NOSTRIN: variants seen among roughly 807,000 people sequenced by gnomAD.
NOSTRIN encodes the protein nitric oxide synthase trafficking, also known as BM247 homolog.
NOSTRIN carries 63 observed loss-of-function variants against 59.0 expected under a neutral mutation model. The observed-to-expected ratio is 1.07, with a 90% CI of 0.87 to 1.32. The LOEUF is 1.32. Ranked by LOEUF, NOSTRIN falls within the 40% of genes most tolerant of loss-of-function variation. The pLI is 0.00. For synonymous variants in NOSTRIN, 200 were observed against 165.4 expected (o/e 1.21, Z -1.61); for missense variants, 512 against 473.1 (o/e 1.08, Z -0.76).
At chr2:168,855,263 A>G (rs1282108515) in intron 10 of NOSTRIN, 89 bp from the exon 11 acceptor site, 1 of 581,564 alleles carries the variant, frequency 1.7e-6, no homozygotes, top group Non-Finnish European at 2.9e-6. Flanking sequence ...AGTTAAAATT[A>G]AATGCAGCCA....
chr2:168,840,486 T>C (rs570235634), intron 7 of NOSTRIN, among the ~76,000 whole-genome samples: 141 of 137,500 alleles, frequency 1.0e-3, no homozygotes, highest in African/African-American at 3.2e-3. Flanking sequence ...GCTGAGATCG[T>C]GCCACTGCAC....
intron 10 of NOSTRIN, among the ~76,000 whole-genome samples, 158 bp downstream of exon 10, chr2:168,851,562 A>C (rs1294221763): frequency 6.6e-6 from 1 of 152,250 alleles, no homozygotes; most frequent in African/African-American, 2.4e-5. Flanking sequence ...CTAGTTTACA[A>C]ACTGTACAAT....
chr2:168,829,093 G>A (rs1687218088), intron 5 of NOSTRIN, among the ~76,000 whole-genome samples: 1 of 151,800 alleles, frequency 6.6e-6, no homozygotes, highest in South Asian at 2.1e-4. Flanking sequence ...TGCTTTCTAC[G>A]CTTATTAGCT....
chr2:168,860,679 AAAGAAAAAACAAAC>A, intron 13 of NOSTRIN, 102 bp from the exon 14 acceptor site: 2 of 700,634 alleles, frequency 2.9e-6, no homozygotes, highest in Admixed American at 5.4e-5. Flanking sequence ...TAAAAAAAAA[AAAGAAAAAACAAAC>A]AGAAAAAACA....
At position 168,860,927 on chromosome 2, in the gene NOSTRIN, A is replaced by G; in HGVS notation, c.1294+18A>G. ...AACTCCAGGTAATCCCATGCCCACA[A>G]TCATTTTGGCCTGGGTCCTACTGGC... On this transcript the variant is annotated intron_variant, in intron 14 of 15. Coordinates refer to ENST00000317647, the MANE Select transcript of NOSTRIN (RefSeq NM_001039724.4). 4.5e-6 allele frequency: 7 copies of G among 1,555,058 alleles called. No homozygotes were observed. The highest frequency in any genetic ancestry group is 6.2e-6 in the Non-Finnish European group (7 of 1,126,458).
intron 1 of NOSTRIN, among the ~76,000 whole-genome samples, chr2:168,804,951 C>A (rs829956): frequency 1 from 151,778 of 152,340 alleles, 75,611 homozygotes; most frequent in Middle Eastern, 1. Flanking sequence ...TTTACATTCA[C>A]CCTGACTTCA....
At position 168,864,957 on chromosome 2, in the gene NOSTRIN, C is replaced by A; in HGVS notation, c.1508C>A (p.Ala503Asp). ...TTACCTTCAAATGCTGGCAACACAGCTACAAAGGCATAAAACAAGACTCTG... is the reference window on the plus strand; with the variant it reads ...TTACCTTCAAATGCTGGCAACACAGATACAAAGGCATAAAACAAGACTCTG... Reference protein sequence around the residue: ...EELPSNAGNTATKA With the variant: ...EELPSNAGNTDTKA Residue 503 changes from alanine to aspartate, a missense_variant, in exon 16 of 16, where the codon GCT (alanine) becomes GAT (aspartate). Ala to Asp is a moderately radical substitution (Grantham distance 126). Transcript: ENST00000317647. The A allele has an allele frequency of 6.2e-7, 1 of 1,614,008 alleles. No individual in the cohort carries two copies. Among genetic ancestry groups the A allele is most frequent in the Non-Finnish European group, 8.5e-7 (1 of 1,179,988 alleles).
chr2:168,852,286 G>A (rs1010366395), intron 10 of NOSTRIN, among the ~76,000 whole-genome samples: 4 of 151,942 alleles, frequency 2.6e-5, no homozygotes, highest in African/African-American at 7.3e-5. Flanking sequence ...CCAGATTATC[G>A]GAGGCTTATT....
At position 168,843,082 on chromosome 2, in the gene NOSTRIN, C is replaced by T. The variant is rs1688196443; in HGVS notation, c.595C>T (p.Leu199=). The change falls in exon 8 of 16, where the codon CTG becomes TTG. Residue 199 remains leucine, a synonymous_variant. Transcript: ENST00000317647. ...QKNMAGYSTR[L]KWENTLENCY... ...AAACATGGCGGGTTATTCTACCAGA[C>T]TGAAATGGGAAAACACACTAGAGAA... 1 of 872,436 alleles carries T rather than the reference C, an allele frequency of 1.1e-6. No homozygotes were observed. Among genetic ancestry groups the T allele is most frequent in the Non-Finnish European group, 2.0e-6 (1 of 501,526 alleles). 54.0% of individuals were successfully genotyped at this position (872,436 alleles called of 1,614,324 possible). A position where few individuals can be genotyped will look rare whatever the true frequency, so the allele number is the denominator to read the frequency against.
chr2:168,824,011 G>T (rs529117762), intron 2 of NOSTRIN, among the ~76,000 whole-genome samples: 1 of 152,252 alleles, frequency 6.6e-6, no homozygotes, highest in South Asian at 2.1e-4. Context: ...GGAGGTGGAG[G>T]TTACAGTGAG....
chr2:168,813,716 G>A (rs1686265764), intron 2 of NOSTRIN, among the ~76,000 whole-genome samples: 1 of 152,068 alleles, frequency 6.6e-6, no homozygotes, highest in East Asian at 1.9e-4. Context: ...AACATCTCAA[G>A]AGTCTACTGG....
chr2:168,856,373 G>C (rs1436627928), intron 11 of NOSTRIN: 1 of 307,320 alleles, frequency 3.3e-6, no homozygotes, highest in Non-Finnish European at 6.2e-6. Context: ...TCAGGCGCTG[G>C]AGACCAGTTT....
intron 8 of NOSTRIN, chr2:168,850,853 C>T (rs1305866766): frequency 1.3e-6 from 1 of 795,840 alleles, no homozygotes; most frequent in Admixed American, 2.0e-5. Context: ...ACAGCATCTG[C>T]CTATATGCCT....
At chr2:168,819,942 TG>T (rs1234090082) in intron 2 of NOSTRIN, among the ~76,000 whole-genome samples, 1 of 152,164 alleles carries the variant, frequency 6.6e-6, no homozygotes, top group Non-Finnish European at 1.5e-5. Flanking sequence ...ACTGCACAGA[TG>T]CCTTTGGAAC....
chr2:168,844,960 C>T lies in NOSTRIN; in HGVS notation c.630+1843C>T, dbSNP rs1049275881. 5.3e-5 allele frequency among the ~76,000 whole-genome samples: 8 copies of T among 152,062 alleles called. No homozygotes were observed. In the East Asian group the frequency reaches 1.2e-3, roughly 22 times the overall value. On this transcript the variant is annotated intron_variant, in intron 8 of 15. Transcript: ENST00000317647. Reference sequence around the variant, plus strand: ...GGGAGAGCAAAGGCTATATGGCAGGCGGAAACCCAACGGCTGCATTTACAT... The same window carrying T: ...GGGAGAGCAAAGGCTATATGGCAGGTGGAAACCCAACGGCTGCATTTACAT...
chr2:168,828,142 T>C lies in NOSTRIN; in HGVS notation c.198-16T>C. 1.2e-6 allele frequency: 1 copy of C among 864,786 alleles called. No homozygotes were observed. The allele number at this position is 864,786 out of a possible 1,614,324, so 53.6% of individuals were successfully genotyped here. On this transcript the variant is annotated splice_polypyrimidine_tract_variant and intron_variant, in intron 3 of 15. Coordinates refer to ENST00000317647, the MANE Select transcript of NOSTRIN (RefSeq NM_001039724.4). ...AATGACACTCACCTTTGTTCCCCAC[T>C]TTTTTTTGCCTTTAGTTGTGTTAGC...
upstream of NOSTRIN, among the ~76,000 whole-genome samples, chr2:168,799,610 G>C (rs1042742681): frequency 6.6e-6 from 1 of 152,320 alleles, no homozygotes; most frequent in East Asian, 1.9e-4. Flanking sequence ...CCTTAGCAGA[G>C]TATGTGTAGG....
At chr2:168,824,599 C>G (rs1439073236) in intron 2 of NOSTRIN, 35 bp from the exon 3 acceptor site, 3 of 865,304 alleles carry the variant, frequency 3.5e-6, no homozygotes, top group African/African-American at 3.3e-5. Flanking sequence ...GTGCCCAGCC[C>G]AGTACATCCT....
intron 1 of NOSTRIN, among the ~76,000 whole-genome samples, chr2:168,807,148 C>T (rs893019561): frequency 2.6e-5 from 4 of 152,162 alleles, no homozygotes; most frequent in Admixed American, 6.5e-5. Flanking sequence ...TTTCAGAGTC[C>T]TCTCTGGTGG....
Sources: allele counts gnomAD v4.1 joint callset (sites outside exome capture counted in the v4.1 genomes callset), GRCh38; gene constraint gnomAD v4.1.1; transcripts MANE v1.5; gene names NCBI Gene and HGNC (gene_info 2026-07-23, HGNC 2026-07-21).